The following CNTNAP2 variants were observed in gnomAD, a reference collection of about 807,000 sequenced individuals.
CNTNAP2 encodes contactin associated protein 2.
A neutral mutation model predicts 155.2 loss-of-function variants in CNTNAP2; 98 were observed. The observed-to-expected ratio is 0.63, with a 90% CI of 0.54 to 0.75. The LOEUF is 0.75. CNTNAP2 is among the 30% of genes least tolerant of loss of function. The pLI, the probability that CNTNAP2 is intolerant of heterozygous loss-of-function variation, is 0.00. For synonymous variants in CNTNAP2, 651 were observed against 631.2 expected, an observed-to-expected ratio of 1.03 and a Z score of -0.47; for missense variants, 1,727 against 1,688.1, an observed-to-expected ratio of 1.02 and a Z score of -0.40.
At chr7:146,934,445 G>T (rs1275623551) in intron 3 of CNTNAP2, among the ~76,000 whole-genome samples, 1 of 124,840 alleles carries the variant, frequency 8.0e-6, no homozygotes, top group African/African-American at 3.0e-5. Context: ...CTGTTGTGGG[G>T]TGGGGGGAGG....
At chr7:147,722,756 A>G (rs1796583870) in intron 13 of CNTNAP2, among the ~76,000 whole-genome samples, 1 of 152,048 alleles carries the variant, frequency 6.6e-6, no homozygotes, top group Admixed American at 6.6e-5. Context: ...CTATTTGCAA[A>G]TATGTAGTAA....
At chr7:147,211,120 G>A (rs1455619474) in intron 8 of CNTNAP2, among the ~76,000 whole-genome samples, 2 of 151,748 alleles carry the variant, frequency 1.3e-5, no homozygotes, top group African/African-American at 2.4e-5. Flanking sequence ...GTTGATAGGT[G>A]ATGTATTCTG....
At chr7:147,738,002 C>A (rs76221124) in intron 13 of CNTNAP2, among the ~76,000 whole-genome samples, 1 of 152,232 alleles carries the variant, frequency 6.6e-6, no homozygotes, top group South Asian at 2.1e-4. Context: ...TCGGCTCATG[C>A]TCGGTGCCCT....
chr7:147,633,157 C>T (rs929150449), intron 12 of CNTNAP2, among the ~76,000 whole-genome samples: 4 of 152,224 alleles, frequency 2.6e-5, no homozygotes, highest in South Asian at 2.1e-4. Flanking sequence ...ACTGCTTCAG[C>T]GCCAGCCTTG....
intron 4 of CNTNAP2, among the ~76,000 whole-genome samples, chr7:147,080,383 C>T (rs1479239272): frequency 6.6e-6 from 1 of 152,044 alleles, no homozygotes; most frequent in Non-Finnish European, 1.5e-5. Context: ...TATCCAGACC[C>T]AGGCATATAC....
intron 3 of CNTNAP2, among the ~76,000 whole-genome samples, chr7:146,949,333 A>G (rs941695450): frequency 6.6e-6 from 1 of 152,210 alleles, no homozygotes; most frequent in African/African-American, 2.4e-5. Flanking sequence ...GCACTCTTCC[A>G]GCAGTCTTAT....
chr7:148,398,245 A>C (rs77172986), intron 22 of CNTNAP2, among the ~76,000 whole-genome samples: 1 of 152,212 alleles, frequency 6.6e-6, no homozygotes, highest in Non-Finnish European at 1.5e-5. Flanking sequence ...TCTATGTATT[A>C]TACTAGTTTC....
intron 8 of CNTNAP2, among the ~76,000 whole-genome samples, chr7:147,163,287 C>G (rs1802062191): frequency 6.6e-6 from 1 of 152,162 alleles, no homozygotes; most frequent in Non-Finnish European, 1.5e-5. Context: ...TAACTGTTAT[C>G]TCCTTAAAAG....
chr7:147,779,077 A>G (rs1274509084), intron 13 of CNTNAP2, among the ~76,000 whole-genome samples: 3 of 152,180 alleles, frequency 2.0e-5, no homozygotes, highest in South Asian at 2.1e-4. Context: ...TTAGCATGCA[A>G]TCTTTTTTTT....
At chr7:146,185,791 G>A (rs1380179567) in intron 1 of CNTNAP2, among the ~76,000 whole-genome samples, 5 of 134,142 alleles carry the variant, frequency 3.7e-5, no homozygotes, top group African/African-American at 8.8e-5. Flanking sequence ...AGAACACACC[G>A]AGCTTCTTTC....
intron 18 of CNTNAP2, among the ~76,000 whole-genome samples, chr7:148,195,925 G>A (rs574190684): frequency 6.6e-6 from 1 of 152,124 alleles, no homozygotes; most frequent in East Asian, 1.9e-4. Flanking sequence ...TTCAGAGCAC[G>A]CATCCTTACA....
chr7:147,267,246 A>G (rs572139952), intron 8 of CNTNAP2, among the ~76,000 whole-genome samples: 1 of 152,296 alleles, frequency 6.6e-6, no homozygotes, highest in Non-Finnish European at 1.5e-5. Flanking sequence ...TTTTACATCT[A>G]TCTGCATTGC....
intron 14 of CNTNAP2, among the ~76,000 whole-genome samples, chr7:147,957,119 A>G (rs997850997): frequency 2.6e-5 from 4 of 152,198 alleles, no homozygotes; most frequent in Non-Finnish European, 5.9e-5. Flanking sequence ...AGACAGGGGA[A>G]AAAGTCTGTT....
intron 1 of CNTNAP2, among the ~76,000 whole-genome samples, chr7:146,559,802 G>A (rs755700545): frequency 1.6e-4 from 25 of 151,750 alleles, no homozygotes; most frequent in Non-Finnish European, 2.9e-4. Flanking sequence ...ATTTTGCTTT[G>A]GATAAATAAG....
At chr7:148,019,514 C>T (rs1408922839) in intron 15 of CNTNAP2, among the ~76,000 whole-genome samples, 1 of 151,582 alleles carries the variant, frequency 6.6e-6, no homozygotes, top group Non-Finnish European at 1.5e-5. Flanking sequence ...GGCTGTAGTG[C>T]AGTTGTGATA....
chr7:146,562,776 T>C (rs553733735), intron 1 of CNTNAP2, among the ~76,000 whole-genome samples: 1 of 152,284 alleles, frequency 6.6e-6, no homozygotes, highest in South Asian at 2.1e-4. Context: ...GAATTTAAAT[T>C]TCTAGGTTTT....
At chr7:147,230,534 C>T (rs1306845741) in intron 8 of CNTNAP2, among the ~76,000 whole-genome samples, 1 of 152,284 alleles carries the variant, frequency 6.6e-6, no homozygotes, top group East Asian at 1.9e-4. Context: ...CAGGCATGAA[C>T]CATGGTGGAT....
chr7:147,165,210 A>G (rs561938635), intron 8 of CNTNAP2, among the ~76,000 whole-genome samples: 2 of 152,104 alleles, frequency 1.3e-5, no homozygotes, highest in Admixed American at 6.5e-5. Flanking sequence ...GTAAGGGGGT[A>G]TTGCATTGTG....
intron 13 of CNTNAP2, among the ~76,000 whole-genome samples, chr7:147,721,068 G>T (rs1257863300): frequency 1.3e-5 from 2 of 152,076 alleles, no homozygotes; most frequent in Non-Finnish European, 2.9e-5. Flanking sequence ...GTGAGATACT[G>T]TCTGGTAAAC....
Sources: gnomAD v4.1 joint callset for allele counts (sites outside exome capture counted in the v4.1 genomes callset) on GRCh38, gnomAD v4.1.1 for gene constraint, MANE v1.5 for transcripts, NCBI Gene and HGNC (gene_info 2026-07-23, HGNC 2026-07-21) for gene names.